Variants in PAX5 observed in about 807,000 individuals in gnomAD.
PAX5 encodes paired box protein Pax-5.
Under a neutral mutation model 43.7 loss-of-function variants are expected in PAX5, and 9 were observed. That is an observed-to-expected ratio of 0.21 (90% CI 0.12 to 0.36). The LOEUF is 0.36. PAX5 is among the 10% of genes least tolerant of loss of function. The probability of loss-of-function intolerance (pLI) is 1.00; values close to 1 mark genes in which losing one functional copy is unlikely to be tolerated. For missense variants in PAX5, 383 were observed against 532.7 expected (o/e 0.72, Z 2.77); for synonymous variants, 228 against 214.3 (o/e 1.06, Z -0.56).
chr9:36,841,182 C>T (rs1439887538), intron 9 of PAX5, among the ~76,000 whole-genome samples: 2 of 152,218 alleles, frequency 1.3e-5, no homozygotes, highest in Non-Finnish European at 2.9e-5. Flanking sequence ...CCCTCCTGCC[C>T]ACACTCATAT....
intron 7 of PAX5, among the ~76,000 whole-genome samples, chr9:36,920,811 T>G (rs781287406): frequency 1.4e-5 from 2 of 144,270 alleles, no homozygotes; most frequent in Non-Finnish European, 3.0e-5. Context: ...AGCTTTTTTT[T>G]TTTTTTTTTT....
intron 5 of PAX5, among the ~76,000 whole-genome samples, chr9:36,976,645 A>C (rs1835455130): frequency 6.6e-6 from 1 of 151,648 alleles, no homozygotes; most frequent in African/African-American, 2.4e-5. Context: ...ATGGAGGAAA[A>C]TTTCCACTGA....
rs1841270887 is a variant in PAX5, at chr9:37,033,969, C to T, written c.46+17G>A. 3 of 1,611,220 alleles carry T rather than the reference C, an allele frequency of 1.9e-6. No individual in the cohort carries two copies. Among genetic ancestry groups the T allele is most frequent in the Non-Finnish European group, 2.5e-6 (3 of 1,179,170 alleles). On this transcript the variant is annotated intron_variant, in intron 1 of 9. Transcript: ENST00000358127. The stretch of plus-strand genomic sequence containing the variant: ...GTCCCGGAGTTTGCACATCTGGAGC[C>T]CGTATCGCGGTCCTACCTGTCCTGC...
chr9:36,943,529 T>TCACACACAC (rs35815065), intron 6 of PAX5, among the ~76,000 whole-genome samples: 1 of 145,912 alleles, frequency 6.9e-6, no homozygotes, highest in Non-Finnish European at 1.5e-5. Flanking sequence ...TAGTTCAACA[T>TCACACACAC]ACACACACAC....
At chr9:37,018,952 G>A (rs2988003) in intron 2 of PAX5, among the ~76,000 whole-genome samples, 133,171 of 152,012 alleles carry the variant, frequency 0.88, 60,249 homozygotes, top group Non-Finnish European at 1. Context: ...TCTTGCCCTG[G>A]GATTTCAAAC....
intron 8 of PAX5, among the ~76,000 whole-genome samples, chr9:36,879,178 C>T (rs1185952940): frequency 2.0e-5 from 3 of 152,214 alleles, no homozygotes; most frequent in African/African-American, 7.2e-5. Flanking sequence ...TGTGCCCCTG[C>T]TCGGGCCTGT....
intron 5 of PAX5, among the ~76,000 whole-genome samples, chr9:36,991,213 T>G (rs571406770): frequency 6.6e-6 from 1 of 152,298 alleles, no homozygotes; most frequent in South Asian, 2.1e-4. Context: ...ATCTTCTATT[T>G]TATGTAAGTC....
intron 1 of PAX5, among the ~76,000 whole-genome samples, chr9:37,029,897 G>T (rs1047685996): frequency 6.6e-6 from 1 of 152,230 alleles, no homozygotes; most frequent in African/African-American, 2.4e-5. Context: ...CAAGTCTGGG[G>T]TAGAAGAAAG....
chr9:36,957,293 G>T (rs1168206581), intron 6 of PAX5, among the ~76,000 whole-genome samples: 1 of 152,212 alleles, frequency 6.6e-6, no homozygotes, highest in Non-Finnish European at 1.5e-5. Flanking sequence ...GTCAGTTTGG[G>T]AAATAACGTG....
chr9:36,898,667 G>T (rs970493610), intron 7 of PAX5, among the ~76,000 whole-genome samples: 21 of 152,188 alleles, frequency 1.4e-4, no homozygotes, highest in African/African-American at 4.8e-4. Context: ...GCGCGAGATG[G>T]GATCTCATGT....
intron 1 of PAX5, among the ~76,000 whole-genome samples, chr9:37,023,128 C>G (rs772326485): frequency 3.3e-5 from 5 of 151,982 alleles, no homozygotes; most frequent in Non-Finnish European, 7.4e-5. Context: ...ATGAGACAGA[C>G]AACCAGGAGA....
intron 8 of PAX5, among the ~76,000 whole-genome samples, chr9:36,849,416 G>A (rs1401694902): frequency 1.3e-5 from 2 of 152,222 alleles, no homozygotes; most frequent in South Asian, 2.1e-4. Flanking sequence ...CCACTAGGAT[G>A]TAAGCTCCAT....
At position 36,850,194 on chromosome 9, in the gene PAX5, A is replaced by G. The variant is rs114880420; in HGVS notation, c.1013-3265T>C. ...CCCCGCAGAGGCAGCTGCAGGGCAG[A>G]GCAGGCGTGGGGCAAGAGTGTAATG... On this transcript the variant is annotated intron_variant, in intron 8 of 9. Transcript: ENST00000358127. Among the ~76,000 whole-genome samples, 711 of 152,350 alleles carry G rather than the reference A, an allele frequency of 4.7e-3. 6 individuals carry two copies. Among genetic ancestry groups the G allele is most frequent in the African/African-American group, 0.016 (677 of 41,586 alleles).
chr9:36,950,893 A>G (rs866587693), intron 6 of PAX5, among the ~76,000 whole-genome samples: 3 of 151,570 alleles, frequency 2.0e-5, no homozygotes, highest in South Asian at 2.1e-4. Flanking sequence ...GGCACACACC[A>G]CCACGCCCAG....
At chr9:36,923,148 C>T (rs1587980429) in intron 7 of PAX5, 1 of 556,822 alleles carries the variant, frequency 1.8e-6, no homozygotes, top group Middle Eastern at 5.0e-4. Flanking sequence ...ATTTGTTCTC[C>T]CCAGCTTTGT....
At chr9:36,847,734 G>C (rs896969955) in intron 8 of PAX5, among the ~76,000 whole-genome samples, 1 of 152,198 alleles carries the variant, frequency 6.6e-6, no homozygotes, top group Non-Finnish European at 1.5e-5. Flanking sequence ...ACTCAGGCCA[G>C]GTGCTCATGG....
At chr9:36,984,347 C>A (rs1242742353) in intron 5 of PAX5, among the ~76,000 whole-genome samples, 5 of 151,656 alleles carry the variant, frequency 3.3e-5, no homozygotes, top group Non-Finnish European at 7.4e-5. Context: ...CAGTTATATG[C>A]ACAGGCTCTG....
At chr9:36,924,822 A>AGGAAGGGAGAGAAAG (rs1830511159) in intron 6 of PAX5, among the ~76,000 whole-genome samples, 1 of 38,842 alleles carries the variant, frequency 2.6e-5, no homozygotes, top group Non-Finnish European at 5.6e-5. Context: ...GAAGGAAAGA[A>AGGAAGGGAGAGAAAG]AGAAGGAAGG....
chr9:36,972,373 C>T (rs1834986272), intron 5 of PAX5, among the ~76,000 whole-genome samples: 1 of 152,232 alleles, frequency 6.6e-6, no homozygotes, highest in Non-Finnish European at 1.5e-5. Flanking sequence ...AGGCAAGTTC[C>T]TCTCCCTCTC....
Sources: gnomAD v4.1 joint callset for allele counts (sites outside exome capture counted in the v4.1 genomes callset) on GRCh38, gnomAD v4.1.1 for gene constraint, MANE v1.5 for transcripts, NCBI Gene and HGNC (gene_info 2026-07-23, HGNC 2026-07-21) for gene names.